The following KDM4C variants were observed in gnomAD, a reference collection of about 807,000 sequenced individuals.
The protein encoded by KDM4C is lysine demethylase 4C.
Under a neutral mutation model 129.3 loss-of-function variants are expected in KDM4C, and 81 were observed. That is an observed-to-expected ratio of 0.63 (90% CI 0.52 to 0.75). The LOEUF is 0.75. Among genes scored for constraint, KDM4C ranks in the 30% least tolerant of loss-of-function variants. The pLI, the probability that KDM4C is intolerant of heterozygous loss-of-function variation, is 0.00. For synonymous variants in KDM4C, 573 were observed against 456.1 expected (o/e 1.26, Z -3.26); for missense variants, 1,457 against 1,304.0 (o/e 1.12, Z -1.81).
intron 15 of KDM4C, among the ~76,000 whole-genome samples, chr9:7,025,066 ATTGT>A (rs778634533): frequency 1.1e-4 from 17 of 152,116 alleles, no homozygotes; most frequent in Non-Finnish European, 2.2e-4. Flanking sequence ...TATATTTATG[ATTGT>A]TATATTCTCT....
In KDM4C at chr9:6,840,296, C is replaced by G. The variant is rs1004023330; in HGVS notation, c.436-9211C>G. Among the ~76,000 whole-genome samples, 3 of 152,072 alleles carry G rather than the reference C, an allele frequency of 2.0e-5. No individual in the cohort carries two copies. In the East Asian group the frequency reaches 5.8e-4, roughly 29 times the overall value. On this transcript the variant is annotated intron_variant, in intron 4 of 21. Transcript: ENST00000381309. ...CTATGTTGTCCTGGCTAGTCTTGAACTCCTGGGCTCAAGCTATCTGCCTGC... is the reference window on the plus strand; with the variant it reads ...CTATGTTGTCCTGGCTAGTCTTGAAGTCCTGGGCTCAAGCTATCTGCCTGC...
At chr9:6,837,963 C>G (rs1250650905) in intron 4 of KDM4C, among the ~76,000 whole-genome samples, 1 of 152,118 alleles carries the variant, frequency 6.6e-6, no homozygotes, top group African/African-American at 2.4e-5. Context: ...TTCAGACTTT[C>G]AATCTCATTG....
intron 8 of KDM4C, among the ~76,000 whole-genome samples, chr9:6,970,632 A>G (rs189491333): frequency 1.3e-5 from 2 of 152,298 alleles, no homozygotes; most frequent in African/African-American, 4.8e-5. Context: ...TGGGCCAGAG[A>G]TTATATGGAT....
intron 7 of KDM4C, among the ~76,000 whole-genome samples, chr9:6,889,182 C>T (rs894434072): frequency 3.0e-4 from 38 of 125,260 alleles, no homozygotes; most frequent in Non-Finnish European, 5.4e-4. Flanking sequence ...ACATTTTCTT[C>T]ACTTTAGGTT....
intron 8 of KDM4C, among the ~76,000 whole-genome samples, chr9:6,938,506 T>C (rs1206391490): frequency 1.3e-5 from 2 of 152,202 alleles, no homozygotes; most frequent in Admixed American, 6.5e-5. Flanking sequence ...TGAAGCTGTT[T>C]TTGGAAGATA....
At chr9:6,789,762 G>T (rs918252007) in intron 1 of KDM4C, among the ~76,000 whole-genome samples, 1 of 152,078 alleles carries the variant, frequency 6.6e-6, no homozygotes, top group Non-Finnish European at 1.5e-5. Context: ...CTGTCTACAC[G>T]TGAACAGAGG....
chr9:6,962,304 A>G (rs1830171950), intron 8 of KDM4C, among the ~76,000 whole-genome samples: 4 of 152,346 alleles, frequency 2.6e-5, no homozygotes, highest in African/African-American at 7.2e-5. Context: ...AGAAAAAATT[A>G]TATCCAAATG....
At chr9:6,751,282 CA>C (rs1818055556) in intron 1 of KDM4C, among the ~76,000 whole-genome samples, 1 of 151,958 alleles carries the variant, frequency 6.6e-6, no homozygotes, top group South Asian at 2.1e-4. Flanking sequence ...CCCGTCTCTA[CA>C]AAAAATACAA....
chr9:6,913,819 G>A (rs1819787242), intron 8 of KDM4C, among the ~76,000 whole-genome samples: 2 of 152,160 alleles, frequency 1.3e-5, no homozygotes, highest in African/African-American at 4.8e-5. Flanking sequence ...CATCCTTTGA[G>A]GCCACACTAA....
chr9:7,019,790 TTTAGAAGCAAAGAC>T (rs1824443699), intron 15 of KDM4C, among the ~76,000 whole-genome samples: 7 of 72,270 alleles, frequency 9.7e-5, no homozygotes, highest in African/African-American at 1.4e-4. Context: ...ATAAAAATAT[TTTAGAAGCAAAGAC>T]ATCTTATTAT....
chr9:6,919,152 A>G (rs1017243621), intron 8 of KDM4C, among the ~76,000 whole-genome samples: 1 of 151,538 alleles, frequency 6.6e-6, no homozygotes, highest in Non-Finnish European at 1.5e-5. Flanking sequence ...CGCCCAGCCT[A>G]CTCACTTTTC....
chr9:6,910,194 G>T (rs921492510), intron 8 of KDM4C, among the ~76,000 whole-genome samples: 1 of 151,786 alleles, frequency 6.6e-6, no homozygotes, highest in Non-Finnish European at 1.5e-5. Context: ...ACTCTTTTTT[G>T]CCATTAGGGG....
chr9:6,771,127 C>A (rs1251086645), intron 1 of KDM4C, among the ~76,000 whole-genome samples: 1 of 122,260 alleles, frequency 8.2e-6, no homozygotes, highest in Non-Finnish European at 1.6e-5. Context: ...GAGGTCTCTC[C>A]AAGTTGCCCA....
At chr9:6,965,003 A>G (rs1830701219) in intron 8 of KDM4C, among the ~76,000 whole-genome samples, 1 of 151,948 alleles carries the variant, frequency 6.6e-6, no homozygotes. Context: ...CTCCTACATA[A>G]CCTTTTTACA....
intron 15 of KDM4C, among the ~76,000 whole-genome samples, chr9:7,036,776 C>A (rs1055232937): frequency 6.6e-6 from 1 of 152,158 alleles, no homozygotes; most frequent in Non-Finnish European, 1.5e-5. Context: ...CACCACCCCC[C>A]GATATAAGTC....
chr9:7,164,842 C>G (rs575854916), intron 19 of KDM4C, among the ~76,000 whole-genome samples: 3 of 152,176 alleles, frequency 2.0e-5, no homozygotes, highest in Admixed American at 6.5e-5. Flanking sequence ...ATTATAAGAT[C>G]ACATGAGATG....
At chr9:7,040,012 T>C (rs80298392) in intron 15 of KDM4C, among the ~76,000 whole-genome samples, 2,234 of 152,244 alleles carry the variant, frequency 0.015, 61 homozygotes, top group African/African-American at 0.05. Context: ...TGTGAGCTTA[T>C]GTTTCTTAGA....
chr9:6,937,547 TAA>T (rs1318767210), intron 8 of KDM4C, among the ~76,000 whole-genome samples: 5 of 152,126 alleles, frequency 3.3e-5, no homozygotes, highest in Admixed American at 1.3e-4. Flanking sequence ...TATTGGATAT[TAA>T]CCTCTTTGAT....
chr9:7,036,488 G>C (rs1441541104), intron 15 of KDM4C, among the ~76,000 whole-genome samples: 1 of 152,118 alleles, frequency 6.6e-6, no homozygotes, highest in Non-Finnish European at 1.5e-5. Context: ...TACCAGAGCG[G>C]TGCTCTGAAC....
Sources: allele counts gnomAD v4.1 joint callset (sites outside exome capture counted in the v4.1 genomes callset), GRCh38; gene constraint gnomAD v4.1.1; transcripts MANE v1.5; gene names NCBI Gene and HGNC (gene_info 2026-07-23, HGNC 2026-07-21).